CADM1: variants seen among roughly 807,000 people sequenced by gnomAD.
The protein encoded by CADM1 is TSLC-1.
In CADM1, 15 loss-of-function variants were observed where a neutral mutation model predicts 53.1. The ratio of observed to expected loss-of-function variants is 0.28; its 90% CI spans 0.19 to 0.44. CADM1 has a LOEUF of 0.44. Ranked by LOEUF, CADM1 falls within the 20% of genes least tolerant of loss-of-function variation. The pLI, the probability that CADM1 is intolerant of heterozygous loss-of-function variation, is 1.00. For synonymous variants in CADM1, 281 were observed against 243.0 expected (o/e 1.16, Z -1.45); for missense variants, 434 against 611.3 (o/e 0.71, Z 3.06).
At chr11:115,500,041 A>AACTC (rs1196514792) in intron 1 of CADM1, among the ~76,000 whole-genome samples, 3 of 152,192 alleles carry the variant, frequency 2.0e-5, no homozygotes, top group African/African-American at 7.2e-5. Flanking sequence ...AATTGCTTCC[A>AACTC]ACTCAAAGCA....
At chr11:115,178,232 G>A (rs982263880) in intron 11 of CADM1, among the ~76,000 whole-genome samples, 1 of 152,190 alleles carries the variant, frequency 6.6e-6, no homozygotes, top group African/African-American at 2.4e-5. Flanking sequence ...CTGGGGACAG[G>A]GGATAGGGGG....
At chr11:115,320,535 G>A (rs1449868394) in intron 1 of CADM1, among the ~76,000 whole-genome samples, 2 of 151,962 alleles carry the variant, frequency 1.3e-5, no homozygotes, top group African/African-American at 4.8e-5. Flanking sequence ...ATGCAGATAG[G>A]TGTTTATAGT....
intron 1 of CADM1, among the ~76,000 whole-genome samples, chr11:115,329,527 G>T (rs1304827973): frequency 6.6e-6 from 1 of 152,156 alleles, no homozygotes; most frequent in Non-Finnish European, 1.5e-5. Flanking sequence ...GGAGCACACA[G>T]AAGGGCAGGT....
intron 1 of CADM1, among the ~76,000 whole-genome samples, chr11:115,490,685 A>G (rs1445997616): frequency 1.3e-5 from 2 of 152,206 alleles, no homozygotes; most frequent in African/African-American, 4.8e-5. Flanking sequence ...GGCGAGAGCC[A>G]CCATGCCCGG....
chr11:115,461,978 A>C (rs1317320089), intron 1 of CADM1, among the ~76,000 whole-genome samples: 1 of 152,204 alleles, frequency 6.6e-6, no homozygotes, highest in Non-Finnish European at 1.5e-5. Context: ...CCCATGGAAA[A>C]AGGGAAGCAA....
intron 1 of CADM1, among the ~76,000 whole-genome samples, chr11:115,496,761 T>A (rs1949625847): frequency 6.6e-6 from 1 of 151,942 alleles, no homozygotes; most frequent in African/African-American, 2.4e-5. Context: ...TTAGAAACAA[T>A]CAGCCCCATT....
chr11:115,398,579 T>C (rs1270160099), intron 1 of CADM1, among the ~76,000 whole-genome samples: 1 of 152,226 alleles, frequency 6.6e-6, no homozygotes, highest in Non-Finnish European at 1.5e-5. Flanking sequence ...AACACAACAA[T>C]GTGACAATTA....
intron 1 of CADM1, among the ~76,000 whole-genome samples, chr11:115,485,883 A>C (rs1039445740): frequency 6.6e-6 from 1 of 152,186 alleles, no homozygotes; most frequent in African/African-American, 2.4e-5. Flanking sequence ...ACTGCTTTCT[A>C]AACATTTCTA....
intron 1 of CADM1, among the ~76,000 whole-genome samples, chr11:115,437,454 CTGATTAATTTGGGATATTT>C (rs1235583878): frequency 5.3e-5 from 8 of 152,190 alleles, no homozygotes; most frequent in Non-Finnish European, 2.9e-5. Context: ...TTGTTTCCCT[CTGATTAATTTGGGATATTT>C]CTACAAAAAC....
chr11:115,452,924 G>A (rs1450673254), intron 1 of CADM1, among the ~76,000 whole-genome samples: 1 of 152,116 alleles, frequency 6.6e-6, no homozygotes, highest in Non-Finnish European at 1.5e-5. Context: ...TACTCAGGAG[G>A]TATCATTGCT....
chr11:115,195,442 A>T (rs1295552783), intron 9 of CADM1, among the ~76,000 whole-genome samples: 2 of 152,248 alleles, frequency 1.3e-5, no homozygotes, highest in Non-Finnish European at 2.9e-5. Flanking sequence ...AAAAACACAG[A>T]AATATAGAAG....
intron 1 of CADM1, among the ~76,000 whole-genome samples, chr11:115,370,939 T>G (rs1442763557): frequency 1.3e-5 from 2 of 152,134 alleles, no homozygotes; most frequent in Non-Finnish European, 2.9e-5. Flanking sequence ...AAAATGAAGT[T>G]AACAGGGACA....
At chr11:115,345,970 GTCTTTTCTT>G (rs1252386680) in intron 1 of CADM1, among the ~76,000 whole-genome samples, 1 of 152,196 alleles carries the variant, frequency 6.6e-6, no homozygotes, top group Non-Finnish European at 1.5e-5. Flanking sequence ...TTTCCAGGAT[GTCTTTTCTT>G]TGTATCCTCA....
At chr11:115,446,390 A>G (rs1292462803) in intron 1 of CADM1, among the ~76,000 whole-genome samples, 9 of 152,172 alleles carry the variant, frequency 5.9e-5, no homozygotes, top group African/African-American at 2.2e-4. Flanking sequence ...ACTGCCTTCC[A>G]TTTATTTGTA....
intron 1 of CADM1, among the ~76,000 whole-genome samples, chr11:115,357,971 T>C (rs765521250): frequency 7.9e-5 from 12 of 152,174 alleles, no homozygotes; most frequent in Admixed American, 3.3e-4. Flanking sequence ...GTAATTGCCA[T>C]AAAATTGCAT....
chr11:115,284,384 G>C (rs1023066483), intron 1 of CADM1, among the ~76,000 whole-genome samples: 2 of 151,978 alleles, frequency 1.3e-5, no homozygotes, highest in South Asian at 4.2e-4. Flanking sequence ...GGGAACAATA[G>C]GCTAGCCAGT....
At chr11:115,433,493 G>A (rs1290432111) in intron 1 of CADM1, among the ~76,000 whole-genome samples, 4 of 152,066 alleles carry the variant, frequency 2.6e-5, no homozygotes, top group African/African-American at 7.2e-5. Flanking sequence ...GAGTTTTACC[G>A]AAAACGGCAT....
chr11:115,443,320 T>C (rs1948368558), intron 1 of CADM1, among the ~76,000 whole-genome samples: 1 of 152,208 alleles, frequency 6.6e-6, no homozygotes, highest in Admixed American at 6.5e-5. Context: ...TCTGTGTTAA[T>C]TATACATCAA....
chr11:115,369,848 T>C (rs1946267648), intron 1 of CADM1, among the ~76,000 whole-genome samples: 1 of 152,148 alleles, frequency 6.6e-6, no homozygotes, highest in South Asian at 2.1e-4. Flanking sequence ...ACAGCAAAAA[T>C]TGAGCTACAA....
Sources: gnomAD v4.1 joint callset for allele counts (sites outside exome capture counted in the v4.1 genomes callset) on GRCh38, gnomAD v4.1.1 for gene constraint, MANE v1.5 for transcripts, NCBI Gene and HGNC (gene_info 2026-07-23, HGNC 2026-07-21) for gene names.